RB1: variants seen among roughly 807,000 people sequenced by gnomAD.
The protein encoded by RB1 is retinoblastoma-associated protein.
In RB1, 18 loss-of-function variants were observed where a neutral mutation model predicts 135.4. The ratio of observed to expected loss-of-function variants is 0.13; its 90% CI spans 0.09 to 0.20. The LOEUF (loss-of-function observed/expected upper bound fraction) is 0.20. Ranked by LOEUF, RB1 falls within the 10% of genes least tolerant of loss-of-function variation. The pLI is 1.00. For synonymous variants in RB1, 365 were observed against 373.2 expected (o/e 0.98, Z 0.25); for missense variants, 868 against 1,110.0 (o/e 0.78, Z 3.10).
chr13:48,390,755 G>T (rs1428857680), intron 17 of RB1, among the ~76,000 whole-genome samples: 1 of 152,202 alleles, frequency 6.6e-6, no homozygotes, highest in East Asian at 1.9e-4. Flanking sequence ...AAAACTACTT[G>T]TGCCTGATAC....
intron 17 of RB1, among the ~76,000 whole-genome samples, chr13:48,439,138 A>G (rs1949212233): frequency 6.6e-6 from 1 of 152,200 alleles, no homozygotes; most frequent in African/African-American, 2.4e-5. Flanking sequence ...AGTTTTAGAA[A>G]CAGGTAGACT....
rs1952212662 is a variant in RB1, at chr13:48,319,148, T to TGG, written c.264+11745_264+11746dup. On this transcript the variant is annotated intron_variant, in intron 2 of 26. Transcript: ENST00000267163. This position sits in a 1 kb window ranked among gnomAD's most constrained non-coding sequence, Gnocchi z 5.0. Reference sequence around the variant, plus strand: ...AGCTTTGGTTTCCTTCGGGAGCTTGTGGGGAATGGTCAGCGTCTAGGCACC... The same window carrying TGG: ...AGCTTTGGTTTCCTTCGGGAGCTTGTGGGGGGAATGGTCAGCGTCTAGGCACC... 1.7e-6 allele frequency: 1 copy of TGG among 602,784 alleles called. No individual in the cohort carries two copies. The highest frequency in any genetic ancestry group is 3.0e-6 in the Non-Finnish European group (1 of 331,906). The allele number at this position is 602,784 out of a possible 1,614,324, so 37.3% of individuals were successfully genotyped here. A position where few individuals can be genotyped will look rare whatever the true frequency, so the allele number is the denominator to read the frequency against.
At chr13:48,307,747 C>T (rs965058368) in intron 2 of RB1, among the ~76,000 whole-genome samples, 1 of 150,578 alleles carries the variant, frequency 6.6e-6, no homozygotes, top group Non-Finnish European at 1.5e-5. Context: ...CCTGTAGTCC[C>T]AGCTATTTGG....
intron 2 of RB1, among the ~76,000 whole-genome samples, chr13:48,338,324 T>C (rs1356694091): frequency 1.3e-5 from 2 of 152,206 alleles, no homozygotes; most frequent in Non-Finnish European, 2.9e-5. Context: ...ACCAATCAGA[T>C]GTAGATTTGG....
At chr13:48,435,266 G>T (rs1003585339) in intron 17 of RB1, among the ~76,000 whole-genome samples, 4 of 152,266 alleles carry the variant, frequency 2.6e-5, no homozygotes, top group Admixed American at 1.3e-4. Context: ...TTCTGATAGT[G>T]TAAGGATATC....
At chr13:48,398,837 T>C (rs1476381592) in intron 17 of RB1, among the ~76,000 whole-genome samples, 1 of 152,108 alleles carries the variant, frequency 6.6e-6, no homozygotes, top group Non-Finnish European at 1.5e-5. Flanking sequence ...ATAATATGTA[T>C]GTGTATTTTT....
chr13:48,360,004 ATT>A lies in RB1; in HGVS notation c.608-5_608-4del. The A allele has an allele frequency of 6.3e-7, 1 of 1,595,180 alleles. No individual in the cohort carries two copies. The highest frequency in any genetic ancestry group is 2.3e-5 in the East Asian group (1 of 43,850). ...TCTCTAACTTTCTTTAAAAATGTAC[ATT>A]TTTTTTTCAGGGGAAGTATTACAAA... On this transcript the variant is annotated splice_polypyrimidine_tract_variant and intron_variant, in intron 6 of 26. Coordinates refer to ENST00000267163, the MANE Select transcript of RB1 (RefSeq NM_000321.3).
intron 18 of RB1, among the ~76,000 whole-genome samples, chr13:48,454,502 G>A (rs933809314): frequency 2.0e-5 from 3 of 152,222 alleles, no homozygotes; most frequent in Non-Finnish European, 2.9e-5. Context: ...AGGAAGTGGT[G>A]TAGGCACTGG....
At chr13:48,429,913 A>G (rs940200561) in intron 17 of RB1, among the ~76,000 whole-genome samples, 31 of 152,368 alleles carry the variant, frequency 2.0e-4, no homozygotes, top group Admixed American at 1.2e-3. Flanking sequence ...AATAAAGGCC[A>G]TAAGAGAATA....
intron 17 of RB1, among the ~76,000 whole-genome samples, chr13:48,449,344 C>T (rs1321893721): frequency 2.6e-5 from 4 of 152,150 alleles, no homozygotes; most frequent in African/African-American, 9.7e-5. Flanking sequence ...TAAGAAACCC[C>T]CATTGCGTAT....
chr13:48,328,204 C>T, intron 2 of RB1: 1 of 1,479,972 alleles, frequency 6.8e-7, no homozygotes. Context: ...GTTGGTGTAT[C>T]CCTTGCAATA....
At chr13:48,320,842 A>G (rs933740475) in intron 2 of RB1, among the ~76,000 whole-genome samples, 2 of 152,082 alleles carry the variant, frequency 1.3e-5, no homozygotes, top group Non-Finnish European at 1.5e-5. Context: ...AAAAAGAAAA[A>G]AAAAAAAAAG....
At chr13:48,304,091 C>T (rs957863843) in intron 1 of RB1, 42 bp downstream of exon 1, 2 of 1,378,084 alleles carry the variant, frequency 1.5e-6, no homozygotes, top group Non-Finnish European at 1.9e-6. Flanking sequence ...GGGAAGGGCG[C>T]CCCGGGTGTG....
At chr13:48,315,080 C>A (rs779008196) in intron 2 of RB1, among the ~76,000 whole-genome samples, 17 of 151,620 alleles carry the variant, frequency 1.1e-4, no homozygotes, top group African/African-American at 2.2e-4. Flanking sequence ...TGAATAATGT[C>A]ATTGGTAGTC....
chr13:48,377,884 G>A (rs887572387), intron 13 of RB1, among the ~76,000 whole-genome samples: 5 of 152,162 alleles, frequency 3.3e-5, no homozygotes, highest in Non-Finnish European at 7.4e-5. Context: ...TACAGCATGT[G>A]TACTGAATAC....
At position 48,367,459 on chromosome 13, in the gene RB1, T is replaced by A. The variant is rs148641922; in HGVS notation, c.940-35T>A. 18 of 1,588,962 alleles carry A rather than the reference T, an allele frequency of 1.1e-5. No homozygotes were observed. In the Admixed American group the frequency reaches 3.0e-4, roughly 27 times the overall value. On this transcript the variant is annotated intron_variant, in intron 9 of 26. Transcript: ENST00000267163. ...GTGTGCTGAGAGATGTAATGACATG[T>A]AAAGGATAATTGTCAGTGACTTTTT...
At chr13:48,416,610 G>A (rs1166918706) in intron 17 of RB1, 2 of 152,340 alleles carry the variant, frequency 1.3e-5, no homozygotes, top group Non-Finnish European at 1.5e-5. Context: ...TGGAACAGGG[G>A]CTGAAGCCAG....
intron 17 of RB1, chr13:48,411,995 A>G (rs1566212270): frequency 6.2e-7 from 1 of 1,608,740 alleles, no homozygotes; most frequent in Non-Finnish European, 8.5e-7. Context: ...CTCCGATCAC[A>G]GTTAACCACA....
At chr13:48,372,161 T>G (rs926281831) in intron 11 of RB1, among the ~76,000 whole-genome samples, 5 of 152,134 alleles carry the variant, frequency 3.3e-5, no homozygotes, top group Admixed American at 2.6e-4. Context: ...GTGCAGAGAT[T>G]GAAGCGAAGA....
Sources: gnomAD v4.1 joint callset for allele counts (sites outside exome capture counted in the v4.1 genomes callset) on GRCh38, gnomAD v4.1.1 for gene constraint, Gnocchi (gnomAD v3.1) non-coding constraint, MANE v1.5 for transcripts, NCBI Gene and HGNC (gene_info 2026-07-23, HGNC 2026-07-21) for gene names.